CHL1: variants seen among roughly 807,000 people sequenced by gnomAD.
The protein encoded by CHL1 is neural cell adhesion molecule L1-like protein.
CHL1 carries 96 observed loss-of-function variants against 141.9 expected under a neutral mutation model. The ratio of observed to expected loss-of-function variants is 0.68; its 90% CI spans 0.57 to 0.80. The LOEUF (loss-of-function observed/expected upper bound fraction) is 0.80, where lower values mean the gene tolerates loss of function less well. Ranked by LOEUF, CHL1 falls within the 30% of genes least tolerant of loss-of-function variation. CHL1 has a pLI of 0.00. For missense variants in CHL1, 1,820 were observed against 1,457.2 expected (o/e 1.25, Z -4.05); for synonymous variants, 613 against 502.2 (o/e 1.22, Z -2.95).
intron 5 of CHL1, among the ~76,000 whole-genome samples, chr3:329,840 A>C (rs1312656572): frequency 5.9e-5 from 9 of 152,146 alleles, no homozygotes; most frequent in Non-Finnish European, 2.9e-5. Context: ...TTTATTTGTA[A>C]AAGCCTTCAT....
chr3:395,769 A>G (rs1266675042), intron 24 of CHL1, among the ~76,000 whole-genome samples: 1 of 152,244 alleles, frequency 6.6e-6, no homozygotes, highest in East Asian at 1.9e-4. Flanking sequence ...TTTTGCACCA[A>G]TCTAATACTA....
chr3:322,166 C>A (rs1285632787), intron 3 of CHL1, among the ~76,000 whole-genome samples: 3 of 151,830 alleles, frequency 2.0e-5, no homozygotes, highest in Non-Finnish European at 4.4e-5. Flanking sequence ...TAGTCAGAAA[C>A]AAAGTAAATG....
intron 2 of CHL1, among the ~76,000 whole-genome samples, chr3:295,745 A>C (rs1698132249): frequency 1.3e-5 from 2 of 152,222 alleles, no homozygotes; most frequent in African/African-American, 4.8e-5. Flanking sequence ...GAGGACTGAT[A>C]AAGTCAAGCA....
chr3:239,503 C>T (rs1692340979), intron 1 of CHL1, among the ~76,000 whole-genome samples: 1 of 151,796 alleles, frequency 6.6e-6, no homozygotes, highest in South Asian at 2.1e-4. Context: ...ATACTTGTGA[C>T]TGTAAGGTGA....
At chr3:303,359 T>G (rs1229644252) in intron 2 of CHL1, among the ~76,000 whole-genome samples, 1 of 152,214 alleles carries the variant, frequency 6.6e-6, no homozygotes, top group Non-Finnish European at 1.5e-5. Context: ...ACAATATTGA[T>G]TCTTCCTATC....
At position 342,317 on chromosome 3, in the gene CHL1, C is replaced by T. The variant is rs113378559; in HGVS notation, c.679+235C>T. On this transcript the variant is annotated intron_variant, in intron 7 of 27. Transcript: ENST00000256509. Reference sequence around the variant, plus strand: ...CACAGGACAAATGTATTTCATCTGACATCTGCAGGATCTTGTCATTTTCAG... The same window carrying T: ...CACAGGACAAATGTATTTCATCTGATATCTGCAGGATCTTGTCATTTTCAG... 7.2e-5 allele frequency among the ~76,000 whole-genome samples: 11 copies of T among 152,312 alleles called. 1 individual carries two copies. The highest frequency in any genetic ancestry group is 2.6e-4 in the African/African-American group (11 of 41,592).
chr3:199,111 G>T (rs955803720), intron 1 of CHL1, among the ~76,000 whole-genome samples: 1 of 152,176 alleles, frequency 6.6e-6, no homozygotes, highest in African/African-American at 2.4e-5. Flanking sequence ...AATTTAACGT[G>T]GTTACAGAGC....
In CHL1 at chr3:360,423, G is replaced by C. The variant is rs1416714058; in HGVS notation, c.1305G>C (p.Val435=). The part of the protein sequence containing the change: ...TILANANIDV[V]DVRPLIQTKD... The stretch of plus-strand genomic sequence containing the variant: ...TTGCCAATGCCAATATTGATGTTGT[G>C]GGTGAGTGTGCCTGGGAGCTGACTT... The change falls in exon 12 of 28, where the codon GTG becomes GTC. Residue 435 remains valine (V), a splice_region_variant and synonymous_variant. Coordinates refer to ENST00000256509, the MANE Select transcript of CHL1 (RefSeq NM_006614.4). 2.5e-6 allele frequency: 4 copies of C among 1,613,178 alleles called. No homozygotes were observed. Among genetic ancestry groups the C allele is most frequent in the Non-Finnish European group, 3.4e-6 (4 of 1,179,536 alleles).
chr3:284,710 G>A (rs1696975624), intron 2 of CHL1, among the ~76,000 whole-genome samples: 1 of 151,926 alleles, frequency 6.6e-6, no homozygotes, highest in Admixed American at 6.6e-5. Context: ...AGGGAAAACT[G>A]TTCAGAGGAA....
chr3:338,216 C>G lies in CHL1; in HGVS notation c.386-2578C>G, dbSNP rs147325050. ...GCAGAGAGGCCATTCAGGATCAAGT[C>G]CAGTCTTGTTGAAACAAAGTTAAGT... On this transcript the variant is annotated intron_variant, in intron 5 of 27. Coordinates refer to ENST00000256509, the MANE Select transcript of CHL1 (RefSeq NM_006614.4). Among the ~76,000 whole-genome samples, 279 of 152,224 alleles carry G rather than the reference C, an allele frequency of 1.8e-3. 1 individual carries two copies. The highest frequency in any genetic ancestry group is 6.2e-3 in the African/African-American group (258 of 41,522).
chr3:203,165 G>C (rs948218623), intron 1 of CHL1, among the ~76,000 whole-genome samples: 8 of 152,194 alleles, frequency 5.3e-5, no homozygotes, highest in African/African-American at 1.9e-4. Context: ...TTCTTTCTAA[G>C]AAGAGGCACC....
At chr3:201,966 C>G (rs1378078648) in intron 1 of CHL1, among the ~76,000 whole-genome samples, 2 of 152,238 alleles carry the variant, frequency 1.3e-5, no homozygotes, top group Admixed American at 1.3e-4. Flanking sequence ...TATACATTTC[C>G]TTTTATGCAT....
intron 2 of CHL1, among the ~76,000 whole-genome samples, chr3:261,818 T>C (rs559976108): frequency 6.6e-6 from 1 of 152,140 alleles, no homozygotes; most frequent in Admixed American, 6.5e-5. Context: ...TGATTATAAT[T>C]CAATCTTCAA....
At chr3:325,921 T>A (rs908230454) in intron 3 of CHL1, 38 bp from the exon 4 acceptor site, 4 of 1,412,698 alleles carry the variant, frequency 2.8e-6, no homozygotes, top group Admixed American at 3.5e-5. Context: ...GCCTGCTGTT[T>A]GAATAGTGTG....
At chr3:270,115 TG>T (rs1695506022) in intron 2 of CHL1, among the ~76,000 whole-genome samples, 1 of 152,188 alleles carries the variant, frequency 6.6e-6, no homozygotes, top group South Asian at 2.1e-4. Flanking sequence ...GCCATAGTTC[TG>T]GCCAGAAATG....
In CHL1 at chr3:365,969, T is replaced by G. The variant is rs757202517; in HGVS notation, c.1605T>G (p.Val535=). ...LDIRNATKLR[V]SPKNPRIPKL... ...AAACAGATGCTACAAAACTTAGAGT[T>G]TCTCCTAAGAATCCTCGTATCCCCA... The change falls in exon 15 of 28, where the codon GTT becomes GTG. Residue 535 remains valine, a synonymous_variant. Transcript: ENST00000256509. 5.6e-6 allele frequency: 9 copies of G among 1,613,136 alleles called. No homozygotes were observed. The highest frequency in any genetic ancestry group is 1.7e-5 in the Admixed American group (1 of 59,964).
At chr3:380,435 G>C (rs550377969) in intron 16 of CHL1, among the ~76,000 whole-genome samples, 1 of 152,108 alleles carries the variant, frequency 6.6e-6, no homozygotes. Context: ...AAAGATAAAA[G>C]TCCTCCAATG....
rs373297963 is a variant in CHL1, at chr3:394,767, T to C, written c.2989T>C (p.Ser997Pro). Residue 997 changes from serine to proline, a missense_variant, in exon 24 of 28, where the codon TCA (serine) becomes CCA (proline). Coordinates refer to ENST00000256509, the MANE Select transcript of CHL1 (RefSeq NM_006614.4). ...TTPSKPSWHL[S>P]NLNATTKYKF... ...TCCATCAAAGCCCAGCTGGCACCTC[T>C]CAAACCTGAATGCAACTACCAAGTA... The C allele has an allele frequency of 9.6e-5, 155 of 1,613,868 alleles. No individual in the cohort carries two copies. The highest frequency in any genetic ancestry group is 1.3e-4 in the Non-Finnish European group (148 of 1,179,928).
At chr3:209,410 G>C (rs1699709944) in intron 1 of CHL1, among the ~76,000 whole-genome samples, 1 of 152,112 alleles carries the variant, frequency 6.6e-6, no homozygotes, top group Non-Finnish European at 1.5e-5. Flanking sequence ...GGGTGATCTT[G>C]AGTCATTAAG....
Sources: gnomAD v4.1 joint callset for allele counts (sites outside exome capture counted in the v4.1 genomes callset) on GRCh38, gnomAD v4.1.1 for gene constraint, MANE v1.5 for transcripts, NCBI Gene and HGNC (gene_info 2026-07-23, HGNC 2026-07-21) for gene names.